The following LURAP1L variants were observed in gnomAD, a reference collection of about 807,000 sequenced individuals.
LURAP1L encodes leucine rich adaptor protein 1-like.
In LURAP1L, 12 loss-of-function variants were observed where a neutral mutation model predicts 13.8. That is an observed-to-expected ratio of 0.87 (90% CI 0.56 to 1.41). The LOEUF (loss-of-function observed/expected upper bound fraction) is 1.41. Ranked by LOEUF, LURAP1L falls within the 40% of genes most tolerant of loss-of-function variation. The pLI, the probability that LURAP1L is intolerant of heterozygous loss-of-function variation, is 0.00. For synonymous variants in LURAP1L, 139 were observed against 119.2 expected (o/e 1.17, Z -1.08); for missense variants, 375 against 292.9 (o/e 1.28, Z -2.04).
intron 1 of LURAP1L, among the ~76,000 whole-genome samples, chr9:12,804,415 G>A (rs964946173): frequency 6.6e-6 from 1 of 150,908 alleles, no homozygotes; most frequent in Non-Finnish European, 1.5e-5. Context: ...CATGGTCTCG[G>A]CTCACTGCAA....
chr9:12,798,373 C>T (rs1819537831), intron 1 of LURAP1L, among the ~76,000 whole-genome samples: 1 of 152,164 alleles, frequency 6.6e-6, no homozygotes, highest in Non-Finnish European at 1.5e-5. Context: ...ATGGACAACA[C>T]TATGACATGA....
chr9:12,790,767 T>A (rs551169423), intron 1 of LURAP1L: 1 of 150,816 alleles, frequency 6.6e-6, no homozygotes, highest in African/African-American at 2.4e-5. Context: ...TTTTCATCCC[T>A]AAGTGCACAA....
chr9:12,789,286 A>G (rs1353497041), intron 1 of LURAP1L, among the ~76,000 whole-genome samples: 1 of 152,168 alleles, frequency 6.6e-6, no homozygotes, highest in African/African-American at 2.4e-5. Context: ...TGTCTGCTAA[A>G]TAGTAACTTA....
At chr9:12,788,187 G>GAAAGAAAGAAAGAAAGAAAGAAAAGA (rs374048758) in intron 1 of LURAP1L, among the ~76,000 whole-genome samples, 13 of 136,698 alleles carry the variant, frequency 9.5e-5, no homozygotes, top group African/African-American at 3.2e-4. Context: ...AAGAAAGAAA[G>GAAAGAAAGAAAGAAAGAAAGAAAAGA]AAAGAAAAGA....
At chr9:12,794,440 C>G (rs779403232) in intron 1 of LURAP1L, among the ~76,000 whole-genome samples, 5 of 151,964 alleles carry the variant, frequency 3.3e-5, no homozygotes, top group Non-Finnish European at 7.4e-5. Context: ...GAAAAATCCC[C>G]AATGTCCTTT....
chr9:12,790,392 A>T (rs1031148794), intron 1 of LURAP1L, among the ~76,000 whole-genome samples: 12 of 152,134 alleles, frequency 7.9e-5, no homozygotes, highest in African/African-American at 2.9e-4. Flanking sequence ...AGTATTCCTT[A>T]ATCCTGCTTC....
chr9:12,802,535 G>A (rs1243283443), intron 1 of LURAP1L, among the ~76,000 whole-genome samples: 1 of 152,148 alleles, frequency 6.6e-6, no homozygotes, highest in African/African-American at 2.4e-5. Flanking sequence ...TCCAGAAGCT[G>A]AGCAGATACC....
At position 12,821,891 on chromosome 9, in the gene LURAP1L, T is replaced by A; in HGVS notation, c.*131T>A. ...AAAAGAAGCTGATTTTGAAACTGCT[T>A]AATGGTATTGCTGTTGCTCCTAATA... On this transcript the variant is annotated 3_prime_UTR_variant, in exon 2 of 2. Coordinates refer to ENST00000319264, the MANE Select transcript of LURAP1L (RefSeq NM_203403.2). The A allele has an allele frequency of 2.8e-6, 3 of 1,061,338 alleles. No individual in the cohort carries two copies. The highest frequency in any genetic ancestry group is 4.1e-6 in the Non-Finnish European group (3 of 735,512). 65.7% of individuals were successfully genotyped at this position (1,061,338 alleles called of 1,614,324 possible). A position where few individuals can be genotyped will look rare whatever the true frequency, so the allele number is the denominator to read the frequency against.
intron 1 of LURAP1L, among the ~76,000 whole-genome samples, chr9:12,806,052 G>C (rs1030674386): frequency 6.6e-6 from 1 of 152,162 alleles, no homozygotes; most frequent in Non-Finnish European, 1.5e-5. Flanking sequence ...GAGTTTCTTG[G>C]GCAACTCTGC....
intron 1 of LURAP1L, among the ~76,000 whole-genome samples, chr9:12,798,258 T>C (rs937106231): frequency 1.3e-5 from 2 of 152,180 alleles, no homozygotes; most frequent in Non-Finnish European, 2.9e-5. Context: ...ATGTGCCATC[T>C]GCTTCAATAA....
intron 1 of LURAP1L, among the ~76,000 whole-genome samples, chr9:12,820,984 C>G (rs569464780): frequency 4.9e-4 from 74 of 152,276 alleles, no homozygotes; most frequent in African/African-American, 1.8e-3. Context: ...AGGATGACTC[C>G]TTAATTTGTT....
chr9:12,802,682 TG>T (rs1819603271), intron 1 of LURAP1L, among the ~76,000 whole-genome samples: 2 of 152,102 alleles, frequency 1.3e-5, no homozygotes, highest in African/African-American at 4.8e-5. Context: ...AGCACAGAAG[TG>T]GGTTAAAACT....
chr9:12,792,472 A>C (rs540441972), intron 1 of LURAP1L, among the ~76,000 whole-genome samples: 3 of 152,258 alleles, frequency 2.0e-5, no homozygotes, highest in East Asian at 1.9e-4. Flanking sequence ...TACAATGATT[A>C]AATAATGAAT....
intron 1 of LURAP1L, chr9:12,814,414 T>C (rs1419965586): frequency 6.6e-6 from 1 of 152,210 alleles, no homozygotes; most frequent in East Asian, 1.9e-4. Flanking sequence ...AGGTGATTTA[T>C]AGCCGATTGC....
chr9:12,776,313 A>G (rs923763191), intron 1 of LURAP1L, among the ~76,000 whole-genome samples: 2 of 152,098 alleles, frequency 1.3e-5, no homozygotes, highest in Non-Finnish European at 2.9e-5. Context: ...GCCGGGCTCT[A>G]TTTAGCTGCC....
chr9:12,815,056 T>A (rs1819785598), intron 1 of LURAP1L, among the ~76,000 whole-genome samples: 1 of 152,150 alleles, frequency 6.6e-6, no homozygotes, highest in Admixed American at 6.5e-5. Flanking sequence ...AGTGGAAATG[T>A]TGTACAGTGT....
At chr9:12,785,755 T>C (rs1381595695) in intron 1 of LURAP1L, among the ~76,000 whole-genome samples, 4 of 152,238 alleles carry the variant, frequency 2.6e-5, no homozygotes, top group Admixed American at 6.5e-5. Context: ...GGAGGGGCTG[T>C]GTAAGCAATA....
intron 1 of LURAP1L, among the ~76,000 whole-genome samples, chr9:12,787,416 G>A (rs1190731020): frequency 1.3e-5 from 2 of 152,098 alleles, no homozygotes; most frequent in African/African-American, 2.4e-5. Context: ...TGTTGGCAAA[G>A]GACACCATTC....
At position 12,775,594 on chromosome 9, in the gene LURAP1L, A is replaced by G. The variant is rs895020912; in HGVS notation, c.-122A>G. The G allele has an allele frequency of 7.7e-6, 11 of 1,424,330 alleles. No homozygotes were observed. Among genetic ancestry groups the G allele is most frequent in the Admixed American group, 3.0e-5 (1 of 33,746 alleles). The allele number at this position is 1,424,330 out of a possible 1,614,324, so 88.2% of individuals were successfully genotyped here. On this transcript the variant is annotated 5_prime_UTR_variant, in exon 1 of 2. Coordinates refer to ENST00000319264, the MANE Select transcript of LURAP1L (RefSeq NM_203403.2). ...GGTTATGGAAAGGACGGTACACCGGAGCGGCGGAGGATAGAGACCCTGGCC... is the reference window on the plus strand; with the variant it reads ...GGTTATGGAAAGGACGGTACACCGGGGCGGCGGAGGATAGAGACCCTGGCC...
Sources: gnomAD v4.1 joint callset for allele counts (sites outside exome capture counted in the v4.1 genomes callset) on GRCh38, gnomAD v4.1.1 for gene constraint, MANE v1.5 for transcripts, NCBI Gene and HGNC (gene_info 2026-07-23, HGNC 2026-07-21) for gene names.